ITGA4: variants seen among roughly 807,000 people sequenced by gnomAD.
The protein encoded by ITGA4 is integrin subunit alpha 4.
A neutral mutation model predicts 133.6 loss-of-function variants in ITGA4; 63 were observed. That is an observed-to-expected ratio of 0.47 (90% confidence interval 0.38 to 0.58). The LOEUF (loss-of-function observed/expected upper bound fraction) is 0.58. Among genes scored for constraint, ITGA4 ranks in the 20% least tolerant of loss-of-function variants. The probability of loss-of-function intolerance (pLI) is 0.00; values close to 1 mark genes in which losing one functional copy is unlikely to be tolerated. For missense variants in ITGA4, 1,076 were observed against 1,252.7 expected (o/e 0.86, Z 2.13); for synonymous variants, 483 against 438.0 (o/e 1.10, Z -1.28).
chr2:181,476,723 C>A (rs1685685203), intron 4 of ITGA4, among the ~76,000 whole-genome samples: 2 of 152,138 alleles, frequency 1.3e-5, no homozygotes, highest in African/African-American at 4.8e-5. Flanking sequence ...AACCTAAATG[C>A]ACATCAATGT....
At chr2:181,483,300 G>T (rs925501512) in intron 9 of ITGA4, among the ~76,000 whole-genome samples, 1 of 152,094 alleles carries the variant, frequency 6.6e-6, no homozygotes, top group African/African-American at 2.4e-5. Flanking sequence ...AAGACTTCTG[G>T]CCTTATCTTG....
At position 181,538,066 on chromosome 2, in the gene ITGA4, A is replaced by C; in HGVS notation, c.*2539A>C. On this transcript the variant is annotated 3_prime_UTR_variant, in exon 28 of 28. Transcript: ENST00000397033. Reference sequence around the variant, plus strand: ...CTGAAACCATTCCCCCATCCACGGAAAAATTGTCTTCCATGAAACTGGTCC... The same window carrying C: ...CTGAAACCATTCCCCCATCCACGGACAAATTGTCTTCCATGAAACTGGTCC... 1 of 724,882 alleles carries C rather than the reference A, an allele frequency of 1.4e-6. No individual in the cohort carries two copies. The highest frequency in any genetic ancestry group is 2.5e-6 in the Non-Finnish European group (1 of 393,606). 44.9% of individuals were successfully genotyped at this position (724,882 alleles called of 1,614,324 possible). A position where few individuals can be genotyped will look rare whatever the true frequency, so the allele number is the denominator to read the frequency against.
chr2:181,529,624 G>C lies in ITGA4; in HGVS notation c.2514G>C (p.Lys838Asn). 1 of 1,592,600 alleles carries C rather than the reference G, an allele frequency of 6.3e-7. No individual in the cohort carries two copies. Among genetic ancestry groups the C allele is most frequent in the Middle Eastern group, 1.7e-4 (1 of 6,004 alleles). ...ATTCTTTTAGCCCCCAAACTGATAA[G>C]CTGTTCAACATTTTGGATGTCCAGG... is the stretch of plus-strand genomic sequence containing the variant. Reference protein sequence around the residue: ...VPNSFSPQTDKLFNILDVQTT... With the variant: ...VPNSFSPQTDNLFNILDVQTT... Residue 838 changes from lysine (K) to asparagine (N), a missense_variant, in exon 23 of 28, where the codon AAG (lysine) becomes AAC (asparagine). This residue lies in a region of ITGA4 where 365 missense variants were observed against 421.4 expected (regional missense o/e 0.87). Transcript: ENST00000397033.
intron 14 of ITGA4, chr2:181,498,306 G>T: frequency 6.0e-6 from 1 of 165,666 alleles, no homozygotes; most frequent in Non-Finnish European, 1.3e-5. Flanking sequence ...TATGAAACAT[G>T]CAAGACTTTT....
intron 16 of ITGA4, among the ~76,000 whole-genome samples, chr2:181,511,435 T>C (rs1256892597): frequency 2.0e-5 from 3 of 152,086 alleles, no homozygotes; most frequent in Non-Finnish European, 4.4e-5. Flanking sequence ...TTTAACTTTT[T>C]TTCCAAATCT....
At chr2:181,457,923 G>C in intron 1 of ITGA4, 72 bp downstream of exon 1, 1 of 1,397,384 alleles carries the variant, frequency 7.2e-7, no homozygotes, top group Middle Eastern at 2.0e-4. Flanking sequence ...GGGATTCCCT[G>C]CCCGATTCAA....
At chr2:181,494,381 A>T (rs551096192) in intron 11 of ITGA4, among the ~76,000 whole-genome samples, 20 of 152,190 alleles carry the variant, frequency 1.3e-4, no homozygotes, top group Non-Finnish European at 2.4e-4. Flanking sequence ...CTGAGCTGGG[A>T]AGACTGCTTG....
chr2:181,465,927 G>C (rs189719094), intron 2 of ITGA4, among the ~76,000 whole-genome samples: 1 of 152,212 alleles, frequency 6.6e-6, no homozygotes, highest in East Asian at 1.9e-4. Flanking sequence ...GGGATGTTAT[G>C]AAAAGTGAGT....
At chr2:181,462,394 C>T (rs181449200) in intron 2 of ITGA4, among the ~76,000 whole-genome samples, 21 of 152,286 alleles carry the variant, frequency 1.4e-4, no homozygotes, top group Admixed American at 1.1e-3. Context: ...ATTTAATTAG[C>T]ATTGCATTAT....
intron 23 of ITGA4, among the ~76,000 whole-genome samples, chr2:181,530,206 T>A (rs554856318): frequency 9.2e-5 from 14 of 152,378 alleles, no homozygotes; most frequent in African/African-American, 2.9e-4. Context: ...TATGGTGTTA[T>A]ATTGTTTCGC....
intron 21 of ITGA4, among the ~76,000 whole-genome samples, chr2:181,525,978 T>C (rs1020696886): frequency 2.0e-5 from 3 of 152,190 alleles, no homozygotes; most frequent in African/African-American, 7.2e-5. Context: ...GTAGAAGATA[T>C]GAGTTACAGA....
At chr2:181,518,101 C>T (rs375703060) in intron 17 of ITGA4, among the ~76,000 whole-genome samples, 27 of 152,122 alleles carry the variant, frequency 1.8e-4, no homozygotes, top group African/African-American at 6.5e-4. Context: ...CACTTCCTCT[C>T]TCCCATTTAA....
At chr2:181,490,834 A>T (rs985983699) in intron 10 of ITGA4, among the ~76,000 whole-genome samples, 1 of 152,196 alleles carries the variant, frequency 6.6e-6, no homozygotes, top group African/African-American at 2.4e-5. Context: ...CTACATTGTA[A>T]ACATAGTATA....
chr2:181,522,485 C>G (rs948870532), intron 18 of ITGA4, 144 bp downstream of exon 18: 3 of 558,218 alleles, frequency 5.4e-6, no homozygotes, highest in Non-Finnish European at 9.0e-6. Context: ...TACTCTGTGC[C>G]CCTGCTCAGA....
chr2:181,458,163 C>G lies in ITGA4; in HGVS notation c.198-33C>G. On this transcript the variant is annotated intron_variant, in intron 1 of 27. Transcript: ENST00000397033. ...GGAGCTCAGTGGGCAGCACAGCTCA[C>G]GTCTGAGCGCACGTGCACGTGTCTC... is the stretch of plus-strand genomic sequence containing the variant. 3 of 1,613,562 alleles carry G rather than the reference C, an allele frequency of 1.9e-6. No homozygotes were observed. In the South Asian group the frequency reaches 3.3e-5, roughly 18 times the overall value.
intron 10 of ITGA4, among the ~76,000 whole-genome samples, chr2:181,487,248 G>A (rs1344287170): frequency 6.6e-6 from 1 of 152,094 alleles, no homozygotes; most frequent in Admixed American, 6.5e-5. Flanking sequence ...ACCCTCCCAG[G>A]ACCCCAGGTT....
intron 26 of ITGA4, 29 bp from the exon 27 acceptor site, chr2:181,534,787 T>TTGAC: frequency 6.4e-7 from 1 of 1,555,720 alleles, no homozygotes; most frequent in Non-Finnish European, 8.7e-7. Flanking sequence ...TTTTTGGTTT[T>TTGAC]TGAGTTTTAT....
intron 26 of ITGA4, among the ~76,000 whole-genome samples, chr2:181,534,597 G>C (rs1025314149): frequency 6.7e-6 from 1 of 148,966 alleles, no homozygotes; most frequent in Non-Finnish European, 1.5e-5. Flanking sequence ...GAATTGAATA[G>C]ATTGGAGGAA....
At chr2:181,502,424 G>A (rs1188133397) in intron 15 of ITGA4, among the ~76,000 whole-genome samples, 1 of 152,074 alleles carries the variant, frequency 6.6e-6, no homozygotes, top group Non-Finnish European at 1.5e-5. Context: ...CTGCAATAGA[G>A]TGAAAAACTT....
Sources: gnomAD v4.1 joint callset for allele counts (sites outside exome capture counted in the v4.1 genomes callset) on GRCh38, gnomAD v4.1.1 for gene constraint, gnomAD v4.1.1 regional missense constraint, MANE v1.5 for transcripts, NCBI Gene and HGNC (gene_info 2026-07-23, HGNC 2026-07-21) for gene names.